MAPKBP1: variants seen among roughly 807,000 people sequenced by gnomAD.
MAPKBP1 encodes the protein mitogen-activated protein kinase binding protein 1.
MAPKBP1 carries 71 observed loss-of-function variants against 170.5 expected under a neutral mutation model. That is an observed-to-expected ratio of 0.42 (90% confidence interval 0.34 to 0.51). The LOEUF (loss-of-function observed/expected upper bound fraction) is 0.51, where lower values mean the gene tolerates loss of function less well. MAPKBP1 is among the 20% of genes least tolerant of loss of function. MAPKBP1 has a pLI of 0.06. For missense variants in MAPKBP1, 1,598 were observed against 1,933.0 expected, an observed-to-expected ratio of 0.83 and a Z score of 3.25; for synonymous variants, 719 against 757.9, an observed-to-expected ratio of 0.95 and a Z score of 0.84.
At chr15:41,813,166 C>T in intron 8 of MAPKBP1, 65 bp downstream of exon 8, 1 of 1,554,776 alleles carries the variant, frequency 6.4e-7, no homozygotes, top group Non-Finnish European at 8.7e-7. Context: ...AACTAGTGCC[C>T]AGGGCTTCAG....
In MAPKBP1 at chr15:41,815,677, A is replaced by G; in HGVS notation, c.1371A>G (p.Thr457=). ...GGAACACCCAGGCCCTGCTGGACAC[A>G]GAGCTGCCTGGAGGAGACAAAGCTG... ...VDGNTQALLD[T]ELPGGDKADA... Residue 457 remains threonine, a synonymous_variant, in exon 12 of 31, where the codon ACA becomes ACG. Coordinates refer to ENST00000457542, the MANE Select transcript of MAPKBP1 (RefSeq NM_014994.3). 1 of 1,614,156 alleles carries G rather than the reference A, an allele frequency of 6.2e-7. No individual in the cohort carries two copies. Among genetic ancestry groups the G allele is most frequent in the South Asian group, 1.1e-5 (1 of 91,058 alleles).
At chr15:41,785,288 C>T (rs1050949645) in intron 2 of MAPKBP1, among the ~76,000 whole-genome samples, 1 of 152,124 alleles carries the variant, frequency 6.6e-6, no homozygotes, top group Non-Finnish European at 1.5e-5. Context: ...ATCTTCAGTA[C>T]CTTTTTCTTG....
intron 2 of MAPKBP1, among the ~76,000 whole-genome samples, chr15:41,796,155 A>G (rs534012695): frequency 1.3e-5 from 2 of 152,286 alleles, no homozygotes; most frequent in East Asian, 3.9e-4. Context: ...TGGTGATTTC[A>G]GGGCCACTCG....
At position 41,823,011 on chromosome 15, in the gene MAPKBP1, G is replaced by C. The variant is rs775608946; in HGVS notation, c.3387G>C (p.Glu1129Asp). The C allele has an allele frequency of 6.2e-7, 1 of 1,614,016 alleles. No individual in the cohort carries two copies. Among genetic ancestry groups the C allele is most frequent in the South Asian group, 1.1e-5 (1 of 91,074 alleles). Residue 1129 changes from glutamate to aspartate, a missense_variant, in exon 28 of 31, where the codon GAG (glutamate) becomes GAC (aspartate). Physicochemically the swap from Glu to Asp is conservative, Grantham distance 45. Around this residue, in one of 6 missense-constraint regions of MAPKBP1, gnomAD observed 942 missense variants for 953.2 expected, o/e 0.99. Coordinates refer to ENST00000457542, the MANE Select transcript of MAPKBP1 (RefSeq NM_014994.3). The part of the protein sequence containing the change: ...RPAQVPQASG[E>D]QPRGNGANPP... The stretch of plus-strand genomic sequence containing the variant: ...CCCAGGTGCCACAGGCATCTGGTGA[G>C]CAGCCGAGAGGCAATGGTGCCAATC...
rs774834816 is a variant in MAPKBP1, at chr15:41,821,615, A to G, written c.2750A>G (p.Gln917Arg). The change falls in exon 24 of 31, where the codon CAA becomes CGA. Residue 917 changes from glutamine to arginine, a missense_variant. Physicochemically the swap from Gln to Arg is conservative, Grantham distance 43 (BLOSUM62 1). Around this residue, in one of 6 missense-constraint regions of MAPKBP1, gnomAD observed 942 missense variants for 953.2 expected, o/e 0.99. Coordinates refer to ENST00000457542, the MANE Select transcript of MAPKBP1 (RefSeq NM_014994.3). ...AAGCCCCCTCGGCCTCAGGCTTCCC[A>G]ACCTTGTTCCTATCCCCATATTATC... ...NEKPPRPQAS[Q>R]PCSYPHIIRL... 1 of 1,613,762 alleles carries G rather than the reference A, an allele frequency of 6.2e-7. No individual in the cohort carries two copies. Among genetic ancestry groups the G allele is most frequent in the Non-Finnish European group, 8.5e-7 (1 of 1,179,932 alleles).
chr15:41,821,544 G>T (rs191883221), intron 23 of MAPKBP1, 40 bp from the exon 24 acceptor site: 7 of 1,552,430 alleles, frequency 4.5e-6, no homozygotes, highest in Middle Eastern at 1.7e-4. Context: ...TGCCTCATCT[G>T]TCACCTCTGC....
Position 41,775,184 on chromosome 15 carries a change from C to T in MAPKBP1, c.-92C>T. The T allele has an allele frequency of 1.0e-6, 1 of 957,834 alleles. No homozygotes were observed. Among genetic ancestry groups the T allele is most frequent in the Non-Finnish European group, 1.6e-6 (1 of 607,486 alleles). 59.3% of individuals were successfully genotyped at this position (957,834 alleles called of 1,614,324 possible). A position where few individuals can be genotyped will look rare whatever the true frequency, so the allele number is the denominator to read the frequency against. On this transcript the variant is annotated 5_prime_UTR_variant, in exon 2 of 31. Transcript: ENST00000457542. Reference sequence around the variant, plus strand: ...CATCTCAGGTCAGTGAGAGGGCATACTGGGAAGCCCTCTGGAGTGGGAAGA... The same window carrying T: ...CATCTCAGGTCAGTGAGAGGGCATATTGGGAAGCCCTCTGGAGTGGGAAGA...
Position 41,810,868 on chromosome 15 carries a change from T to C in MAPKBP1, c.207-15T>C, listed in dbSNP as rs2064792936. ...GTGGTTTGCTGCTGAGCCTGTTGTC[T>C]GCTCATCTCCTCAGGTGTGTGGTTG... On this transcript the variant is annotated splice_polypyrimidine_tract_variant and intron_variant, in intron 3 of 30. Coordinates refer to ENST00000457542, the MANE Select transcript of MAPKBP1 (RefSeq NM_014994.3). The C allele has an allele frequency of 1.2e-6, 2 of 1,613,810 alleles. No homozygotes were observed. The highest frequency in any genetic ancestry group is 1.7e-6 in the Non-Finnish European group (2 of 1,179,784).
chr15:41,816,742 C>A, intron 13 of MAPKBP1, 92 bp downstream of exon 13: 1 of 1,461,858 alleles, frequency 6.8e-7, no homozygotes, highest in South Asian at 1.2e-5. Flanking sequence ...GGTCGGTAAT[C>A]TTTGGATCAT....
chr15:41,817,185 A>T lies in MAPKBP1; in HGVS notation c.1711+150A>T. 7.4e-7 allele frequency: 1 copy of T among 1,354,584 alleles called. No homozygotes were observed. The allele number at this position is 1,354,584 out of a possible 1,614,324, so 83.9% of individuals were successfully genotyped here. ...CTGGTTGGGAAGATAGGTGGAACAG[A>T]GACTCTCAGTGCTGGGACTTGAGCC... is the stretch of plus-strand genomic sequence containing the variant. On this transcript the variant is annotated intron_variant, in intron 14 of 30. Transcript: ENST00000457542. This position sits in a 1 kb window ranked among gnomAD's most constrained non-coding sequence, Gnocchi z 4.2.
rs936548021 is a variant in MAPKBP1 at position 41,820,837 on chromosome 15, G to A, written c.2487G>A (p.Gln829=). ...SLSHWEMSRA[Q]ESVGFLDPAP... ...CACCCCCTACCTCCCACCAGGCACA[G>A]GAGTCCGTGGGGTTCCTGGACCCAG... The change falls in exon 23 of 31, where the codon CAG becomes CAA. Residue 829 remains glutamine (Q), a synonymous_variant. Coordinates refer to ENST00000457542, the MANE Select transcript of MAPKBP1 (RefSeq NM_014994.3). The A allele has an allele frequency of 2.5e-6, 4 of 1,613,512 alleles. No individual in the cohort carries two copies. In the East Asian group the frequency reaches 8.9e-5, roughly 36 times the overall value.
rs1196651694 is a variant in MAPKBP1 at position 41,806,377 on chromosome 15, C to CA, written c.207-4503dup. 3.9e-5 allele frequency among the ~76,000 whole-genome samples: 6 copies of CA among 152,312 alleles called. No individual in the cohort carries two copies. In the South Asian group the frequency reaches 1.2e-3, roughly 32 times the overall value. On this transcript the variant is annotated intron_variant, in intron 3 of 30. Transcript: ENST00000457542. ...TTACCTGGTCTGAAAGAAAACAATTCAAAGGCCCAGGGTCCCTGGTTGACC... is the reference window on the plus strand; with the variant it reads ...TTACCTGGTCTGAAAGAAAACAATTCAAAAGGCCCAGGGTCCCTGGTTGACC...
At position 41,796,142 on chromosome 15, in the gene MAPKBP1, C is replaced by T. The variant is rs548087215; in HGVS notation, c.115-3681C>T. 5.9e-5 allele frequency among the ~76,000 whole-genome samples: 9 copies of T among 152,206 alleles called. No individual in the cohort carries two copies. In the East Asian group the frequency reaches 1.2e-3, roughly 20 times the overall value. ...GATTTCCATGGTGTAAGTCGTCCTG[C>T]GGTGGTGATTTCAGGGCCACTCGTT... On this transcript the variant is annotated intron_variant, in intron 2 of 30. Coordinates refer to ENST00000457542, the MANE Select transcript of MAPKBP1 (RefSeq NM_014994.3).
chr15:41,788,208 G>C (rs1341624967), intron 2 of MAPKBP1, among the ~76,000 whole-genome samples: 1 of 151,914 alleles, frequency 6.6e-6, no homozygotes, highest in Admixed American at 6.6e-5. Flanking sequence ...CACCCGCCTC[G>C]GCCTCCCAGA....
intron 2 of MAPKBP1, among the ~76,000 whole-genome samples, chr15:41,788,834 C>G (rs779068773): frequency 3.9e-5 from 6 of 152,080 alleles, no homozygotes; most frequent in Non-Finnish European, 7.4e-5. Context: ...AAACATGGAT[C>G]AAAGCTATGC....
At position 41,817,680 on chromosome 15, in the gene MAPKBP1, G is replaced by A. The variant is rs1339953790; in HGVS notation, c.1849G>A (p.Asp617Asn). The A allele has an allele frequency of 6.2e-7, 1 of 1,614,074 alleles. No individual in the cohort carries two copies. The highest frequency in any genetic ancestry group is 8.5e-7 in the Non-Finnish European group (1 of 1,180,032). Residue 617 changes from aspartate (D) to asparagine (N), a missense_variant, in exon 16 of 31, where the codon GAT (aspartate) becomes AAT (asparagine). By Grantham distance (23) the Asp-to-Asn change is conservative. This residue lies in a region of MAPKBP1 where 430 missense variants were observed against 617.2 expected (regional missense o/e 0.70). Transcript: ENST00000457542. This position sits in a 1 kb window ranked among gnomAD's most constrained non-coding sequence, Gnocchi z 4.2. ...VVRKTTLYDM[D>N]VEPSWKYTAI... is the part of the protein sequence containing the mutation. ...GCGGAAGACGACCCTCTATGACATG[G>A]ATGTGGAGCCCAGCTGGAAGTACAC...
Position 41,787,024 on chromosome 15 carries a change from G to C in MAPKBP1, c.114+11635G>C, listed in dbSNP as rs570981730. 6.6e-5 allele frequency among the ~76,000 whole-genome samples: 10 copies of C among 150,514 alleles called. No individual in the cohort carries two copies. In the South Asian group the frequency reaches 1.7e-3, roughly 25 times the overall value. On this transcript the variant is annotated intron_variant, in intron 2 of 30. Coordinates refer to ENST00000457542, the MANE Select transcript of MAPKBP1 (RefSeq NM_014994.3). The stretch of plus-strand genomic sequence containing the variant: ...AGCGATTATCCTGCCTCAGCCTCCC[G>C]AGTAGCTGGGATTACAGGCGTAATC...
intron 2 of MAPKBP1, among the ~76,000 whole-genome samples, chr15:41,795,811 C>T (rs2064478275): frequency 1.3e-5 from 2 of 151,986 alleles, no homozygotes; most frequent in South Asian, 2.1e-4. Flanking sequence ...GGGTTTCACC[C>T]TGTTAGCCAG....
At position 41,818,734 on chromosome 15, in the gene MAPKBP1, G is replaced by A. The variant is rs2064934463; in HGVS notation, c.2157-89G>A. On this transcript the variant is annotated intron_variant, in intron 19 of 30. Coordinates refer to ENST00000457542, the MANE Select transcript of MAPKBP1 (RefSeq NM_014994.3). The surrounding 1 kb of genome is among the most constrained non-coding windows in gnomAD (Gnocchi z 5.2). ...TGACCTGAAGTGGAGGGTGGCTCTG[G>A]TCTCCTTGCCATCCATGGATAAGGG... 2.6e-6 allele frequency: 4 copies of A among 1,567,890 alleles called. No individual in the cohort carries two copies. Among genetic ancestry groups the A allele is most frequent in the African/African-American group, 1.4e-5 (1 of 74,004 alleles).
Sources: gnomAD v4.1 joint callset for allele counts (sites outside exome capture counted in the v4.1 genomes callset) on GRCh38, gnomAD v4.1.1 for gene constraint, gnomAD v4.1.1 regional missense constraint, Gnocchi (gnomAD v3.1) non-coding constraint, MANE v1.5 for transcripts, NCBI Gene and HGNC (gene_info 2026-07-23, HGNC 2026-07-21) for gene names.